TMEM269: variants seen among roughly 807,000 people sequenced by gnomAD.
TMEM269 encodes transmembrane protein 269.
In TMEM269, 12 loss-of-function variants were observed where a neutral mutation model predicts 15.8. The ratio of observed to expected loss-of-function variants is 0.76; its 90% CI spans 0.49 to 1.23. The LOEUF is 1.23. Among genes scored for constraint, TMEM269 ranks in the 50% most tolerant of loss-of-function variants. The pLI is 0.00. For synonymous variants in TMEM269, 93 were observed against 99.3 expected (o/e 0.94, Z 0.38); for missense variants, 211 against 245.4 (o/e 0.86, Z 0.94).
intron 1 of TMEM269, chr1:42,789,470 A>AT: frequency 1.3e-6 from 2 of 1,535,516 alleles, no homozygotes; most frequent in Non-Finnish European, 1.7e-6. Context: ...ATTCTGGGCC[A>AT]TGGGGCTTCA....
chr1:42,793,074 C>T (rs968518192), intron 3 of TMEM269, among the ~76,000 whole-genome samples, 172 bp downstream of exon 3: 6 of 152,188 alleles, frequency 3.9e-5, no homozygotes, highest in Non-Finnish European at 8.8e-5. Flanking sequence ...AGGAGCCCCG[C>T]GGTCCAGCTC....
chr1:42,799,158 C>T lies in TMEM269; in HGVS notation c.*933C>T, dbSNP rs1477936316. ...GCAGGATCTCGTGTGGATTTTCTTT[C>T]CTACGCTGGAAACTACTAAACTCTA... is the stretch of plus-strand genomic sequence containing the variant. On this transcript the variant is annotated 3_prime_UTR_variant, in exon 6 of 6. Coordinates refer to ENST00000637012, the MANE Select transcript of TMEM269 (RefSeq NM_001354602.2). 2 of 151,910 alleles carry T rather than the reference C, an allele frequency of 1.3e-5. No individual in the cohort carries two copies. The highest frequency in any genetic ancestry group is 3.9e-4 in the East Asian group (2 of 5,180). The allele number at this position is 151,910 out of a possible 1,614,324, so 9.4% of individuals were successfully genotyped here.
rs1653648877 is a variant in TMEM269 at position 42,789,802 on chromosome 1, G to A, written c.-92G>A. On this transcript the variant is annotated 5_prime_UTR_variant, in exon 2 of 6. Coordinates refer to ENST00000637012, the MANE Select transcript of TMEM269 (RefSeq NM_001354602.2). ...CCTCTCTCTTGGGCCCCAGGTAAGG[G>A]TACCAGTTTCTTCCTGAGCCATGAC... 1 of 1,513,970 alleles carries A rather than the reference G, an allele frequency of 6.6e-7. No individual in the cohort carries two copies. Among genetic ancestry groups the A allele is most frequent in the African/African-American group, 1.4e-5 (1 of 72,344 alleles). 93.8% of individuals were successfully genotyped at this position (1,513,970 alleles called of 1,614,324 possible).
intron 2 of TMEM269, among the ~76,000 whole-genome samples, chr1:42,791,441 A>AT (rs756299768): frequency 1.3e-5 from 2 of 152,226 alleles, no homozygotes; most frequent in Admixed American, 1.3e-4. Context: ...ATATATGGAG[A>AT]TTAAACAACA....
chr1:42,794,657 T>TAAGCAACTGTGA, intron 5 of TMEM269, 44 bp downstream of exon 5: 2 of 1,335,756 alleles, frequency 1.5e-6, no homozygotes, highest in Non-Finnish European at 2.1e-6. Flanking sequence ...TCACAGTTGC[T>TAAGCAACTGTGA]TATTGCCACT....
chr1:42,785,482 C>CT (rs1653524488), intron 1 of TMEM269, among the ~76,000 whole-genome samples: 1 of 152,242 alleles, frequency 6.6e-6, no homozygotes, highest in Non-Finnish European at 1.5e-5. Flanking sequence ...CACAGCCCTG[C>CT]TTTTCTCCTC....
In TMEM269 at chr1:42,799,446, A is replaced by G. The variant is rs1282966501; in HGVS notation, c.*1221A>G. On this transcript the variant is annotated 3_prime_UTR_variant, in exon 6 of 6. Transcript: ENST00000637012. ...ATGTGGTAAATATACATCTATTCTC[A>G]AATTAGATGTTTAAAAATAAAAACC... The G allele has an allele frequency of 6.6e-6, 1 of 152,214 alleles. No individual in the cohort carries two copies. The highest frequency in any genetic ancestry group is 1.5e-5 in the Non-Finnish European group (1 of 68,044). The allele number at this position is 152,214 out of a possible 1,614,324, so 9.4% of individuals were successfully genotyped here.
intron 2 of TMEM269, among the ~76,000 whole-genome samples, chr1:42,792,403 C>T (rs1653709110): frequency 6.6e-6 from 1 of 152,124 alleles, no homozygotes; most frequent in Admixed American, 6.6e-5. Flanking sequence ...GATGGGGGAA[C>T]AGGCCTAGAG....
Position 42,800,675 on chromosome 1 carries a change from C to T in TMEM269, c.*2450C>T, listed in dbSNP as rs1387180132. Reference sequence around the variant, plus strand: ...GTTTAATCTCTCTAAGCCTATTTTCCTATCTGTAAAATGGAGGATTTACTT... The same window carrying T: ...GTTTAATCTCTCTAAGCCTATTTTCTTATCTGTAAAATGGAGGATTTACTT... On this transcript the variant is annotated 3_prime_UTR_variant, in exon 6 of 6. Coordinates refer to ENST00000637012, the MANE Select transcript of TMEM269 (RefSeq NM_001354602.2). 2.0e-5 allele frequency: 3 copies of T among 152,138 alleles called. No individual in the cohort carries two copies. The highest frequency in any genetic ancestry group is 4.4e-5 in the Non-Finnish European group (3 of 68,024). 9.4% of individuals were successfully genotyped at this position (152,138 alleles called of 1,614,324 possible).
intron 1 of TMEM269, chr1:42,789,398 C>T: frequency 1.3e-6 from 2 of 1,528,928 alleles, no homozygotes; most frequent in Non-Finnish European, 1.8e-6. Flanking sequence ...TCTCTCAAGC[C>T]AACCCTTCGT....
chr1:42,791,488 C>T (rs1441333967), intron 2 of TMEM269, among the ~76,000 whole-genome samples: 1 of 152,116 alleles, frequency 6.6e-6, no homozygotes, highest in Non-Finnish European at 1.5e-5. Context: ...GAAGAAGTCT[C>T]ACGAAACATT....
chr1:42,796,204 C>T (rs907287619), intron 5 of TMEM269, among the ~76,000 whole-genome samples: 4 of 152,204 alleles, frequency 2.6e-5, no homozygotes, highest in African/African-American at 9.7e-5. Flanking sequence ...TCCACCTCCC[C>T]TTCTCCTATC....
rs1223210167 is a variant in TMEM269, at chr1:42,789,805, C to T, written c.-89C>T. On this transcript the variant is annotated 5_prime_UTR_variant, in exon 2 of 6. Coordinates refer to ENST00000637012, the MANE Select transcript of TMEM269 (RefSeq NM_001354602.2). ...CTCTCTTGGGCCCCAGGTAAGGGTA[C>T]CAGTTTCTTCCTGAGCCATGACCAG... 2.6e-6 allele frequency: 4 copies of T among 1,520,552 alleles called. No homozygotes were observed. Among genetic ancestry groups the T allele is most frequent in the Non-Finnish European group, 2.7e-6 (3 of 1,119,402 alleles). 94.2% of individuals were successfully genotyped at this position (1,520,552 alleles called of 1,614,324 possible).
Position 42,798,513 on chromosome 1 carries a change from A to G in TMEM269, c.*288A>G. The G allele has an allele frequency of 2.7e-6, 1 of 364,600 alleles. No homozygotes were observed. Among genetic ancestry groups the G allele is most frequent in the East Asian group, 5.3e-5 (1 of 18,732 alleles). 22.6% of individuals were successfully genotyped at this position (364,600 alleles called of 1,614,324 possible). ...TGGGCTGGGTTTGGGTTCCAGCTCCATTACCAGCCGGGTGACTGTGTGCTA... is the reference window on the plus strand; with the variant it reads ...TGGGCTGGGTTTGGGTTCCAGCTCCGTTACCAGCCGGGTGACTGTGTGCTA... On this transcript the variant is annotated 3_prime_UTR_variant, in exon 6 of 6. Coordinates refer to ENST00000637012, the MANE Select transcript of TMEM269 (RefSeq NM_001354602.2).
At chr1:42,793,030 A>G (rs750025575) in intron 3 of TMEM269, 128 bp downstream of exon 3, 2 of 663,244 alleles carry the variant, frequency 3.0e-6, no homozygotes, top group Non-Finnish European at 5.3e-6. Flanking sequence ...CCCCGCTGAG[A>G]GCAGCAGCAG....
rs1222830970 is a variant in TMEM269 at position 42,797,876 on chromosome 1, A to G, written c.485-222A>G. The G allele has an allele frequency of 1.5e-6, 1 of 674,242 alleles. No homozygotes were observed. The highest frequency in any genetic ancestry group is 1.8e-5 in the African/African-American group (1 of 56,292). The allele number at this position is 674,242 out of a possible 1,614,324, so 41.8% of individuals were successfully genotyped here. On this transcript the variant is annotated intron_variant, in intron 5 of 5. Coordinates refer to ENST00000637012, the MANE Select transcript of TMEM269 (RefSeq NM_001354602.2). This position sits in a 1 kb window ranked among gnomAD's most constrained non-coding sequence, Gnocchi z 4.9. The stretch of plus-strand genomic sequence containing the variant: ...GGCTGGAACTTCTGATGTGAATTTG[A>G]CACAGTGGAACCTGAGACTGCATTG...
chr1:42,793,497 C>T (rs1164902218), intron 3 of TMEM269, 104 bp from the exon 4 acceptor site: 1 of 1,186,728 alleles, frequency 8.4e-7, no homozygotes, highest in Non-Finnish European at 1.2e-6. Flanking sequence ...CTTTCTGTGA[C>T]CTCAGGACCC....
chr1:42,789,387 C>T, intron 1 of TMEM269: 2 of 1,506,596 alleles, frequency 1.3e-6, no homozygotes, highest in Non-Finnish European at 1.8e-6. Context: ...GGCACTACTT[C>T]TCTCTCAAGC....
rs870228 is a variant in TMEM269, at chr1:42,789,406, C to T, written c.-98-390C>T. On this transcript the variant is annotated intron_variant, in intron 1 of 5. Coordinates refer to ENST00000637012, the MANE Select transcript of TMEM269 (RefSeq NM_001354602.2). ...CTACTTCTCTCTCAAGCCAACCCTT[C>T]GTCAGTGACAAGGGCCCACCTCTCA... The T allele has an allele frequency of 5.1e-3, 7,793 of 1,532,178 alleles. 326 individuals are homozygous for T. In the African/African-American group the frequency reaches 0.093, roughly 18 times the overall value. 94.9% of individuals were successfully genotyped at this position (1,532,178 alleles called of 1,614,324 possible).
Sources: gnomAD v4.1 joint callset for allele counts (sites outside exome capture counted in the v4.1 genomes callset) on GRCh38, gnomAD v4.1.1 for gene constraint, Gnocchi (gnomAD v3.1) non-coding constraint, MANE v1.5 for transcripts, NCBI Gene and HGNC (gene_info 2026-07-23, HGNC 2026-07-21) for gene names.